The following MAP3K11 variants were observed in gnomAD, a reference collection of about 807,000 sequenced individuals.
MAP3K11 encodes mitogen-activated protein kinase kinase kinase 11.
Under a neutral mutation model 84.9 loss-of-function variants are expected in MAP3K11, and 46 were observed. The observed-to-expected ratio is 0.54, with a 90% CI of 0.43 to 0.69. The LOEUF (loss-of-function observed/expected upper bound fraction) is 0.69. MAP3K11 is among the 30% of genes least tolerant of loss of function. The pLI, the probability that MAP3K11 is intolerant of heterozygous loss-of-function variation, is 0.00. For synonymous variants in MAP3K11, 527 were observed against 514.7 expected (o/e 1.02, Z -0.32); for missense variants, 1,053 against 1,198.3 (o/e 0.88, Z 1.79).
rs1454416184 is a variant in MAP3K11, at chr11:65,598,525, C to T, written c.2310G>A (p.Ser770=). The T allele has an allele frequency of 3.7e-6, 6 of 1,612,294 alleles. No homozygotes were observed. The highest frequency in any genetic ancestry group is 1.7e-5 in the Admixed American group (1 of 59,848). ...AGGGATCAATGCGGCTGCGAAGGGG[C>T]GAGGGCCGAGGTCGGCTGATGAGGC... The part of the protein sequence containing the change: ...PLGLISRPRP[S]PLRSRIDPWS... Residue 770 remains serine, a synonymous_variant, in exon 10 of 10, where the codon TCG becomes TCA. Coordinates refer to ENST00000309100, the MANE Select transcript of MAP3K11 (RefSeq NM_002419.4).
At chr11:65,606,426 A>C in intron 6 of MAP3K11, 1 of 425,022 alleles carries the variant, frequency 2.4e-6, no homozygotes, top group Non-Finnish European at 4.1e-6. Context: ...ATAACTACCA[A>C]ATAGAATTAT....
Position 65,606,854 on chromosome 11 carries a change from G to A in MAP3K11, c.1490-50C>T, listed in dbSNP as rs373978204. On this transcript the variant is annotated intron_variant, in intron 5 of 9. Transcript: ENST00000309100. Reference sequence around the variant, plus strand: ...GGGTTCAGGTTTGTGATGAAGTAGAGCCAGGACCCCAACCTGCAGGGGCCC... The same window carrying A: ...GGGTTCAGGTTTGTGATGAAGTAGAACCAGGACCCCAACCTGCAGGGGCCC... The A allele has an allele frequency of 2.0e-5, 25 of 1,259,266 alleles. No individual in the cohort carries two copies. The South Asian group carries it at 3.0e-4, about 15-fold the overall frequency. The allele number at this position is 1,259,266 out of a possible 1,614,324, so 78.0% of individuals were successfully genotyped here.
chr11:65,603,532 T>C (rs997431513), intron 8 of MAP3K11, among the ~76,000 whole-genome samples: 2 of 152,124 alleles, frequency 1.3e-5, no homozygotes, highest in African/African-American at 4.8e-5. Context: ...AGGGTGAGGG[T>C]GTGTGTGACT....
At chr11:65,612,266 T>C (rs1403476306) in intron 1 of MAP3K11, 2 of 152,332 alleles carry the variant, frequency 1.3e-5, no homozygotes, top group Non-Finnish European at 2.9e-5. Context: ...TGGGCCATGA[T>C]GGGCAGCGTG....
chr11:65,599,773 G>C lies in MAP3K11; in HGVS notation c.1832-5C>G. ...GGCTAGGCCGCGGGGGGTTACCTGC[G>C]GGCAGAGGCGGCACAGGTGAGGGTG... On this transcript the variant is annotated splice_region_variant and splice_polypyrimidine_tract_variant and intron_variant, in intron 8 of 9. Coordinates refer to ENST00000309100, the MANE Select transcript of MAP3K11 (RefSeq NM_002419.4). 6.3e-7 allele frequency: 1 copy of C among 1,592,846 alleles called. No individual in the cohort carries two copies. Among genetic ancestry groups the C allele is most frequent in the Non-Finnish European group, 8.5e-7 (1 of 1,177,580 alleles).
At chr11:65,599,334 C>G in intron 9 of MAP3K11, 60 bp downstream of exon 9, 2 of 1,477,808 alleles carry the variant, frequency 1.4e-6, no homozygotes, top group South Asian at 2.7e-5. Context: ...CCAGCCACTC[C>G]TCCCTCCCTG....
intron 8 of MAP3K11, among the ~76,000 whole-genome samples, chr11:65,603,212 T>C (rs1854473425): frequency 2.0e-5 from 3 of 152,232 alleles, no homozygotes. Context: ...AAACTGAGGT[T>C]CTGAAGGGTA....
At chr11:65,602,416 C>G (rs943692475) in intron 8 of MAP3K11, among the ~76,000 whole-genome samples, 5 of 152,028 alleles carry the variant, frequency 3.3e-5, no homozygotes, top group Admixed American at 3.3e-4. Flanking sequence ...GAAGCTGAAG[C>G]AGGTGGCTCA....
rs1436047755 is a variant in MAP3K11, at chr11:65,607,718, C to T, written c.1168G>A (p.Asp390Asn). 1.2e-6 allele frequency: 2 copies of T among 1,613,924 alleles called. No individual in the cohort carries two copies. Among genetic ancestry groups the T allele is most frequent in the Non-Finnish European group, 8.5e-7 (1 of 1,179,908 alleles). Residue 390 changes from aspartate to asparagine, a missense_variant, in exon 4 of 10, where the codon GAC (aspartate) becomes AAC (asparagine). Physicochemically the swap from Asp to Asn is conservative, Grantham distance 23. Coordinates refer to ENST00000309100, the MANE Select transcript of MAP3K11 (RefSeq NM_002419.4). ...CCTTCCTGCATGGAATGGAAGGAGT[C>T]CCGCGGCATTTCCCGTAGGACCTGT... ...EAQVLREMPR[D>N]SFHSMQEGWK...
intron 5 of MAP3K11, 117 bp downstream of exon 5, chr11:65,607,153 T>A: frequency 7.6e-7 from 1 of 1,312,440 alleles, no homozygotes; most frequent in African/African-American, 1.6e-5. Flanking sequence ...CCAGCCTTCA[T>A]CTCACGGGCC....
In MAP3K11 at chr11:65,613,484, C is replaced by A; in HGVS notation, c.273G>T (p.Gln91His). The change falls in exon 1 of 10, where the codon CAG (glutamine) becomes CAT (histidine). Residue 91 changes from glutamine to histidine, a missense_variant. Around this residue, in one of 3 missense-constraint regions of MAP3K11, gnomAD observed 160 missense variants for 167.3 expected, o/e 0.96. Transcript: ENST00000309100. ...EGWWAGQVGG[Q>H]VGIFPSNYVS... ...CATAGTTGGACGGGAAGATGCCCAC[C>A]TGGCCACCCACCTGGCCCGCCCACC... 6.2e-7 allele frequency: 1 copy of A among 1,612,260 alleles called. No homozygotes were observed. The highest frequency in any genetic ancestry group is 1.1e-5 in the South Asian group (1 of 91,024).
At chr11:65,611,613 C>G (rs1323711807) in intron 1 of MAP3K11, 1 of 152,418 alleles carries the variant, frequency 6.6e-6, no homozygotes, top group Non-Finnish European at 1.5e-5. Flanking sequence ...CTTTCCTCCC[C>G]TGCAGGCAGC....
Position 65,613,623 on chromosome 11 carries a change from A to G in MAP3K11, c.134T>C (p.Val45Ala). The G allele has an allele frequency of 6.2e-7, 1 of 1,612,838 alleles. No homozygotes were observed. The highest frequency in any genetic ancestry group is 8.5e-7 in the Non-Finnish European group (1 of 1,179,954). ...SPKAAGYANP[V>A]WTALFDYEPS... is the part of the protein sequence containing the mutation. ...CTCGTAGTCGAACAGGGCTGTCCAC[A>G]CCGGGTTGGCATAACCCGCTGCCTT... The change falls in exon 1 of 10, where the codon GTG (valine) becomes GCG (alanine). Residue 45 changes from valine (V) to alanine (A), a missense_variant. Coordinates refer to ENST00000309100, the MANE Select transcript of MAP3K11 (RefSeq NM_002419.4).
At chr11:65,600,252 G>A (rs906404695) in intron 8 of MAP3K11, among the ~76,000 whole-genome samples, 2 of 151,736 alleles carry the variant, frequency 1.3e-5, no homozygotes, top group African/African-American at 4.8e-5. Context: ...TCAACTCTAA[G>A]GTACATGGCA....
In MAP3K11 at chr11:65,599,164, C is replaced by T. The variant is rs1013786751; in HGVS notation, c.2206+230G>A. Among the ~76,000 whole-genome samples, 5 of 152,188 alleles carry T rather than the reference C, an allele frequency of 3.3e-5. No individual in the cohort carries two copies. The East Asian group carries it at 9.6e-4, about 29-fold the overall frequency. On this transcript the variant is annotated intron_variant, in intron 9 of 9. Transcript: ENST00000309100. ...CGTGCACCACTGCCTGGCCCGATTA[C>T]TTCTTTTATTTCACAGCAGGCATCG...
Position 65,599,758 on chromosome 11 carries a change from C to G in MAP3K11, c.1842G>C (p.Pro614=). ...GCTCCTCGGGCTCCAGGCTAGGCCG[C>G]GGGGGGTTACCTGCGGGCAGAGGCG... ...STPPALNGNP[P]RPSLEPEEPK... Residue 614 remains proline (P), a synonymous_variant, in exon 9 of 10, where the codon CCG becomes CCC. Transcript: ENST00000309100. 6.3e-7 allele frequency: 1 copy of G among 1,593,254 alleles called. No homozygotes were observed. Among genetic ancestry groups the G allele is most frequent in the East Asian group, 2.2e-5 (1 of 44,656 alleles).
At position 65,605,609 on chromosome 11, in the gene MAP3K11, GCT is replaced by G. The variant is rs1180034479; in HGVS notation, c.1831+150_1831+151del. 4 of 586,776 alleles carry G rather than the reference GCT, an allele frequency of 6.8e-6. No individual in the cohort carries two copies. In the East Asian group the frequency reaches 9.6e-5, roughly 14 times the overall value. 36.3% of individuals were successfully genotyped at this position (586,776 alleles called of 1,614,324 possible). A position where few individuals can be genotyped will look rare whatever the true frequency, so the allele number is the denominator to read the frequency against. On this transcript the variant is annotated intron_variant, in intron 8 of 9. Coordinates refer to ENST00000309100, the MANE Select transcript of MAP3K11 (RefSeq NM_002419.4). ...AGGTCAGACCTGGGTTCCAGGATCG[GCT>G]CTGTCTTGTCTCAGCCTTGGTTTCC...
intron 8 of MAP3K11, 73 bp downstream of exon 8, chr11:65,605,688 C>T: frequency 2.8e-6 from 3 of 1,086,722 alleles, no homozygotes; most frequent in South Asian, 1.5e-5. Flanking sequence ...TGCCTACTAG[C>T]CTATTGTGGC....
rs1304477677 is a variant in MAP3K11 at position 65,607,753 on chromosome 11, G to A, written c.1133C>T (p.Ala378Val). The A allele has an allele frequency of 3.1e-6, 5 of 1,613,664 alleles. No individual in the cohort carries two copies. The South Asian group carries it at 4.4e-5, about 14-fold the overall frequency. ...TTCCCGTAGGACCTGTGCCTCCAGC[G>A]CCTCCAACTGCTGCAGGATGGAGGC... Reference protein sequence around the residue: ...DFASILQQLEALEAQVLREMP... With the variant: ...DFASILQQLEVLEAQVLREMP... The change falls in exon 4 of 10, where the codon GCG becomes GTG. Residue 378 changes from alanine to valine, a missense_variant. Physicochemically the swap from Ala to Val is moderately conservative, Grantham distance 64. This residue lies in a region of MAP3K11 where 310 missense variants were observed against 464.5 expected (regional missense o/e 0.67). Coordinates refer to ENST00000309100, the MANE Select transcript of MAP3K11 (RefSeq NM_002419.4).
Sources: gnomAD v4.1 joint callset for allele counts (sites outside exome capture counted in the v4.1 genomes callset) on GRCh38, gnomAD v4.1.1 for gene constraint, gnomAD v4.1.1 regional missense constraint, MANE v1.5 for transcripts, NCBI Gene and HGNC (gene_info 2026-07-23, HGNC 2026-07-21) for gene names.